Variants in DLGAP2 observed in about 807,000 individuals in gnomAD.
The protein encoded by DLGAP2 is disks large-associated protein 2.
A neutral mutation model predicts 100.3 loss-of-function variants in DLGAP2; 26 were observed. That is an observed-to-expected ratio of 0.26 (90% CI 0.19 to 0.36). The LOEUF (loss-of-function observed/expected upper bound fraction) is 0.36. Ranked by LOEUF, DLGAP2 falls within the 10% of genes least tolerant of loss-of-function variation. The probability of loss-of-function intolerance (pLI) is 1.00; values close to 1 mark genes in which losing one functional copy is unlikely to be tolerated. For missense variants in DLGAP2, 1,858 were observed against 1,453.2 expected, an observed-to-expected ratio of 1.28 and a Z score of -4.53; for synonymous variants, 886 against 630.1, an observed-to-expected ratio of 1.41 and a Z score of -6.08.
intron 2 of DLGAP2, among the ~76,000 whole-genome samples, chr8:1,092,111 C>G (rs1030655703): frequency 6.6e-6 from 1 of 152,178 alleles, no homozygotes; most frequent in South Asian, 2.1e-4. Context: ...CTCATGGGAG[C>G]GGCCGGTGTC....
intron 3 of DLGAP2, among the ~76,000 whole-genome samples, chr8:1,463,837 T>G (rs1798529996): frequency 6.6e-6 from 1 of 152,226 alleles, no homozygotes; most frequent in African/African-American, 2.4e-5. Context: ...TGGTGTGGTT[T>G]GAGCTGATTC....
intron 2 of DLGAP2, among the ~76,000 whole-genome samples, chr8:1,157,491 C>T (rs1204311187): frequency 3.3e-5 from 5 of 152,166 alleles, no homozygotes; most frequent in Admixed American, 2.6e-4. Flanking sequence ...ATCTCCCAGC[C>T]CCTGAAGACC....
chr8:1,594,624 A>G (rs1478332393), intron 6 of DLGAP2, among the ~76,000 whole-genome samples: 1 of 152,098 alleles, frequency 6.6e-6, no homozygotes, highest in Non-Finnish European at 1.5e-5. Context: ...GGGTTTCACC[A>G]TGTTGGCCAG....
chr8:863,376 A>C (rs768877680), intron 1 of DLGAP2, among the ~76,000 whole-genome samples: 3 of 152,238 alleles, frequency 2.0e-5, no homozygotes, highest in Non-Finnish European at 4.4e-5. Flanking sequence ...CAAATATTTA[A>C]GGTTAGCTGT....
At chr8:1,660,239 G>A (rs925221491) in intron 8 of DLGAP2, among the ~76,000 whole-genome samples, 2 of 152,154 alleles carry the variant, frequency 1.3e-5, no homozygotes, top group African/African-American at 4.8e-5. Context: ...TTCCCTTTGT[G>A]TGTAACCTGA....
At chr8:1,345,375 A>G (rs1246574371) in intron 3 of DLGAP2, among the ~76,000 whole-genome samples, 3 of 152,168 alleles carry the variant, frequency 2.0e-5, no homozygotes, top group Non-Finnish European at 4.4e-5. Flanking sequence ...GCTGTTGAGA[A>G]TAAGTACACT....
At chr8:946,554 C>A in intron 2 of DLGAP2, among the ~76,000 whole-genome samples, 1 of 152,192 alleles carries the variant, frequency 6.6e-6, no homozygotes, top group East Asian at 1.9e-4. Context: ...TGAGCCACCG[C>A]GCCCGGCCCG....
At chr8:823,825 G>A (rs1563050705) in intron 1 of DLGAP2, among the ~76,000 whole-genome samples, 1 of 152,226 alleles carries the variant, frequency 6.6e-6, no homozygotes, top group South Asian at 2.1e-4. Context: ...CAGGACGGGG[G>A]AGGTCAAGAG....
At chr8:836,735 A>G (rs1172771680) in intron 1 of DLGAP2, among the ~76,000 whole-genome samples, 1 of 152,208 alleles carries the variant, frequency 6.6e-6, no homozygotes, top group Admixed American at 6.5e-5. Flanking sequence ...CGCGTTGCTA[A>G]GGAGACGAGG....
chr8:1,201,900 A>T (rs923742000), intron 2 of DLGAP2, among the ~76,000 whole-genome samples: 2 of 151,964 alleles, frequency 1.3e-5, no homozygotes, highest in African/African-American at 4.8e-5. Context: ...GTGTGTATGT[A>T]CATGTGTGCA....
chr8:1,691,707 C>T, intron 13 of DLGAP2, 81 bp downstream of exon 13: 2 of 1,232,360 alleles, frequency 1.6e-6, no homozygotes, highest in Non-Finnish European at 2.3e-6. Flanking sequence ...TGTTTTCTTC[C>T]TTGTCAAAGA....
At chr8:1,350,265 TGGAACGGCCGTGCGGGTCCTGAGCGTGC>T (rs1563099079) in intron 3 of DLGAP2, among the ~76,000 whole-genome samples, 7 of 96,636 alleles carry the variant, frequency 7.2e-5, no homozygotes, top group African/African-American at 1.1e-4. Flanking sequence ...TGAGCATGTG[TGGAACGGCCGTGCGGGTCCTGAGCGTGC>T]GTGGAAAGGC....
intron 3 of DLGAP2, among the ~76,000 whole-genome samples, chr8:1,463,793 G>T (rs532829743): frequency 6.6e-6 from 1 of 152,254 alleles, no homozygotes; most frequent in Non-Finnish European, 1.5e-5. Flanking sequence ...GCGAGCAGGT[G>T]CAGCCACGAG....
chr8:1,007,664 G>T lies in DLGAP2; in HGVS notation c.73+99698G>T, dbSNP rs184280672. On this transcript the variant is annotated intron_variant, in intron 2 of 14. Transcript: ENST00000637795. ...GGGGGGATCTTCTGTGAGTCAACTGGCTCTGTCGTCCATCTCTTTAGGAGT... is the reference window on the plus strand; with the variant it reads ...GGGGGGATCTTCTGTGAGTCAACTGTCTCTGTCGTCCATCTCTTTAGGAGT... Among the ~76,000 whole-genome samples, 5 of 151,964 alleles carry T rather than the reference G, an allele frequency of 3.3e-5. No homozygotes were observed. The East Asian group carries it at 7.8e-4, about 24-fold the overall frequency.
At chr8:1,331,788 G>A (rs1287627596) in intron 3 of DLGAP2, among the ~76,000 whole-genome samples, 1 of 152,192 alleles carries the variant, frequency 6.6e-6, no homozygotes, top group Non-Finnish European at 1.5e-5. Context: ...TCTGAGATAC[G>A]TGTAAATCCA....
chr8:914,715 A>G (rs1798555380), intron 2 of DLGAP2, among the ~76,000 whole-genome samples: 3 of 152,256 alleles, frequency 2.0e-5, no homozygotes, highest in South Asian at 2.1e-4. Flanking sequence ...TTTACAGCCA[A>G]TTTAATGTGG....
intron 1 of DLGAP2, among the ~76,000 whole-genome samples, chr8:906,334 C>A (rs183216556): frequency 6.6e-6 from 1 of 152,314 alleles, no homozygotes; most frequent in South Asian, 2.1e-4. Flanking sequence ...CTGATCTCCA[C>A]GTGGGGTGTG....
chr8:1,701,288 A>G lies in DLGAP2; in HGVS notation c.3050A>G (p.Gln1017Arg), dbSNP rs1176859728. Reference sequence around the variant, plus strand: ...CTGGACCTGCCCGACAGACAACGCCAGGAAGCCCGGAGGCGCCTCATGGCC... The same window carrying G: ...CTGGACCTGCCCGACAGACAACGCCGGGAAGCCCGGAGGCGCCTCATGGCC... Reference protein sequence around the residue: ...KSLDLPDRQRQEARRRLMAAK... With the variant: ...KSLDLPDRQRREARRRLMAAK... Residue 1017 changes from glutamine to arginine, a missense_variant, in exon 15 of 15, where the codon CAG becomes CGG. Transcript: ENST00000637795. 1.3e-6 allele frequency: 2 copies of G among 1,585,372 alleles called. No individual in the cohort carries two copies. The highest frequency in any genetic ancestry group is 1.7e-6 in the Non-Finnish European group (2 of 1,166,574).
In DLGAP2 at chr8:1,549,170, C is replaced by A. The variant is rs763917081; in HGVS notation, c.717C>A (p.Leu239=). Reference sequence around the variant, plus strand: ...ACCTGGTACACTCCGTGCAGAAGCTCTTCACCAAGTCGCACTCGCTGGAGG... The same window carrying A: ...ACCTGGTACACTCCGTGCAGAAGCTATTCACCAAGTCGCACTCGCTGGAGG... ...IRHLVHSVQK[L]FTKSHSLEGS... Residue 239 remains leucine, a synonymous_variant, in exon 5 of 15, where the codon CTC becomes CTA. Transcript: ENST00000637795. The A allele has an allele frequency of 9.4e-6, 15 of 1,599,340 alleles. No individual in the cohort carries two copies. In the Admixed American group the frequency reaches 2.6e-4, roughly 28 times the overall value.
Sources: gnomAD v4.1 joint callset for allele counts (sites outside exome capture counted in the v4.1 genomes callset) on GRCh38, gnomAD v4.1.1 for gene constraint, MANE v1.5 for transcripts, NCBI Gene and HGNC (gene_info 2026-07-23, HGNC 2026-07-21) for gene names.